The following PTPRN2 variants were observed in gnomAD, a reference collection of about 807,000 sequenced individuals.
PTPRN2 encodes the protein receptor-type tyrosine-protein phosphatase N2.
PTPRN2 carries 74 observed loss-of-function variants against 118.8 expected under a neutral mutation model. That is an observed-to-expected ratio of 0.62 (90% CI 0.52 to 0.76). The LOEUF is 0.76. PTPRN2 is among the 30% of genes least tolerant of loss of function. The probability of loss-of-function intolerance (pLI) is 0.00; values close to 1 mark genes in which losing one functional copy is unlikely to be tolerated. For synonymous variants in PTPRN2, 641 were observed against 608.0 expected (o/e 1.05, Z -0.80); for missense variants, 1,481 against 1,394.4 (o/e 1.06, Z -0.99).
chr7:158,248,704 GC>G, intron 3 of PTPRN2, among the ~76,000 whole-genome samples: 2 of 131,016 alleles, frequency 1.5e-5, no homozygotes, highest in East Asian at 4.7e-4. Context: ...GTGCACACAC[GC>G]CACACACATG....
At chr7:158,392,690 G>A (rs1369314179) in intron 2 of PTPRN2, among the ~76,000 whole-genome samples, 2 of 152,238 alleles carry the variant, frequency 1.3e-5, no homozygotes, top group East Asian at 3.9e-4. Flanking sequence ...ACACAAAGCC[G>A]GGCCCTGGGT....
intron 10 of PTPRN2, among the ~76,000 whole-genome samples, chr7:158,109,724 CT>C (rs776738178): frequency 1.7e-4 from 26 of 151,362 alleles, no homozygotes; most frequent in Non-Finnish European, 2.7e-4. Context: ...GACGTCACCC[CT>C]GTGTGATGAG....
intron 11 of PTPRN2, among the ~76,000 whole-genome samples, chr7:157,978,395 C>T (rs1802905365): frequency 6.6e-6 from 1 of 152,042 alleles, no homozygotes; most frequent in African/African-American, 2.4e-5. Context: ...GATACTATGG[C>T]TTCACGTCCT....
chr7:158,130,900 C>T (rs1159469072), intron 9 of PTPRN2, among the ~76,000 whole-genome samples: 1 of 135,938 alleles, frequency 7.4e-6, no homozygotes, highest in Non-Finnish European at 1.5e-5. Context: ...AACCGATACA[C>T]ATCTACCGAC....
intron 12 of PTPRN2, among the ~76,000 whole-genome samples, chr7:157,760,288 T>C (rs66682527): frequency 0.088 from 13,403 of 151,706 alleles, 807 homozygotes; most frequent in African/African-American, 0.16. Context: ...CTCCCAGGAG[T>C]GTGACCCAGG....
chr7:158,333,535 G>T (rs371719202), intron 2 of PTPRN2, among the ~76,000 whole-genome samples: 1 of 145,730 alleles, frequency 6.9e-6, no homozygotes, highest in African/African-American at 2.7e-5. Flanking sequence ...CCTGACACTC[G>T]CAGACGTCAC....
intron 12 of PTPRN2, among the ~76,000 whole-genome samples, chr7:157,757,884 G>A (rs534276310): frequency 6.6e-5 from 10 of 152,218 alleles, no homozygotes; most frequent in Non-Finnish European, 1.3e-4. Context: ...CGCCCCTGAC[G>A]CCCGAGACAC....
At chr7:158,361,399 G>C (rs1430341338) in intron 2 of PTPRN2, among the ~76,000 whole-genome samples, 1 of 151,788 alleles carries the variant, frequency 6.6e-6, no homozygotes, top group Non-Finnish European at 1.5e-5. Flanking sequence ...CCCCTCCCCA[G>C]GACAACCCAC....
intron 2 of PTPRN2, among the ~76,000 whole-genome samples, chr7:158,345,510 G>A (rs1336181229): frequency 1.3e-5 from 2 of 152,148 alleles, no homozygotes; most frequent in Non-Finnish European, 2.9e-5. Flanking sequence ...GCCCCAGGTA[G>A]AAGGAGACAG....
chr7:157,541,790 G>C (rs1200519308), intron 22 of PTPRN2, among the ~76,000 whole-genome samples: 1 of 152,240 alleles, frequency 6.6e-6, no homozygotes, highest in Non-Finnish European at 1.5e-5. Flanking sequence ...TGAATGTTTA[G>C]TGCATAACAG....
chr7:158,523,682 G>GTCGTCTGCCCTGGAGCGGAA (rs1563393293), intron 1 of PTPRN2, among the ~76,000 whole-genome samples: 16 of 144,320 alleles, frequency 1.1e-4, no homozygotes, highest in African/African-American at 4.2e-4. Context: ...CTGGAGCGGA[G>GTCGTCTGCCCTGGAGCGGAA]TCGTCTGCCC....
chr7:158,396,783 G>A (rs1043428118), intron 2 of PTPRN2, among the ~76,000 whole-genome samples: 15 of 152,180 alleles, frequency 9.9e-5, no homozygotes, highest in Admixed American at 7.2e-4. Context: ...GACCCGCCTC[G>A]GGGTCTGTCC....
chr7:158,078,164 T>C lies in PTPRN2; in HGVS notation c.1723+3134A>G, dbSNP rs114666604. On this transcript the variant is annotated intron_variant, in intron 11 of 22. Coordinates refer to ENST00000389418, the MANE Select transcript of PTPRN2 (RefSeq NM_002847.5). ...TGATGGGGACTAATGTGGGATTAACTACACGCCTATTCATTAGGTTTTGTA... is the reference window on the plus strand; with the variant it reads ...TGATGGGGACTAATGTGGGATTAACCACACGCCTATTCATTAGGTTTTGTA... Among the ~76,000 whole-genome samples, 606 of 152,318 alleles carry C rather than the reference T, an allele frequency of 4.0e-3. 4 individuals are homozygous for C. The highest frequency in any genetic ancestry group is 0.014 in the African/African-American group (590 of 41,560).
At chr7:157,805,289 C>CTGTGTGTGTG (rs57161533) in intron 12 of PTPRN2, among the ~76,000 whole-genome samples, 102 of 148,794 alleles carry the variant, frequency 6.9e-4, no homozygotes, top group African/African-American at 1.7e-3. Flanking sequence ...ATATATACTC[C>CTGTGTGTGTG]TGTGTGTGTG....
intron 6 of PTPRN2, among the ~76,000 whole-genome samples, chr7:158,159,272 C>T (rs150297498): frequency 5.6e-4 from 86 of 152,338 alleles, no homozygotes; most frequent in African/African-American, 2.0e-3. Context: ...GTTGCACGGC[C>T]GGCAGCAGAA....
chr7:157,553,363 G>A lies in PTPRN2; in HGVS notation c.2903-4344C>T, dbSNP rs565254343. ...GCAACCGCCCTCCCGAATTCTGGCC[G>A]GAGCCATGAAGCCGTCAGGAGCTGT... On this transcript the variant is annotated intron_variant, in intron 21 of 22. Transcript: ENST00000389418. Among the ~76,000 whole-genome samples the A allele has an allele frequency of 2.6e-5, 4 of 152,348 alleles. No homozygotes were observed. In the East Asian group the frequency reaches 7.7e-4, roughly 29 times the overall value.
rs1406536981 is a variant in PTPRN2, at chr7:158,330,830, C to T, written c.164-13898G>A. ...TAAGAGCTGACACCCGCAGACGTCA[C>T]TCACATCCACATTCTCACCATAAGA... On this transcript the variant is annotated intron_variant, in intron 2 of 22. Coordinates refer to ENST00000389418, the MANE Select transcript of PTPRN2 (RefSeq NM_002847.5). 2.1e-4 allele frequency among the ~76,000 whole-genome samples: 21 copies of T among 97,722 alleles called. 2 individuals carry two copies. Among genetic ancestry groups the T allele is most frequent in the African/African-American group, 6.8e-4 (18 of 26,534 alleles). The allele number at this position is 97,722 out of a possible 152,430, so 64.1% of individuals were successfully genotyped here.
At chr7:158,482,232 G>C (rs1379598387) in intron 2 of PTPRN2, among the ~76,000 whole-genome samples, 1 of 152,210 alleles carries the variant, frequency 6.6e-6, no homozygotes, top group Non-Finnish European at 1.5e-5. Flanking sequence ...CAACTTATTT[G>C]ATAAGGCAGT....
chr7:157,912,904 T>C (rs1798180140), intron 11 of PTPRN2, among the ~76,000 whole-genome samples: 1 of 152,208 alleles, frequency 6.6e-6, no homozygotes, highest in Non-Finnish European at 1.5e-5. Flanking sequence ...TAGTTTATGC[T>C]GTCTACACAC....
Sources: gnomAD v4.1 joint callset for allele counts (sites outside exome capture counted in the v4.1 genomes callset) on GRCh38, gnomAD v4.1.1 for gene constraint, MANE v1.5 for transcripts, NCBI Gene and HGNC (gene_info 2026-07-23, HGNC 2026-07-21) for gene names.